The following ACYP2 variants were observed in gnomAD, a reference collection of about 807,000 sequenced individuals.
ACYP2 encodes the protein acylphosphatase-2.
ACYP2 carries 12 observed loss-of-function variants against 11.2 expected under a neutral mutation model. The ratio of observed to expected loss-of-function variants is 1.08; its 90% CI spans 0.69 to 1.74. The LOEUF (loss-of-function observed/expected upper bound fraction) is 1.74. ACYP2 is among the 40% of genes most tolerant of loss of function. The pLI, the probability that ACYP2 is intolerant of heterozygous loss-of-function variation, is 0.00. For missense variants in ACYP2, 134 were observed against 101.9 expected (o/e 1.31, Z -1.35); for synonymous variants, 43 against 32.2 (o/e 1.33, Z -1.13).
At chr2:54,181,882 GTAAAA>G (rs1207177131) in intron 6 of ACYP2, among the ~76,000 whole-genome samples, 1 of 151,682 alleles carries the variant, frequency 6.6e-6, no homozygotes, top group Non-Finnish European at 1.5e-5. Flanking sequence ...TTTTTTTGTT[GTAAAA>G]TAAAATAAAC....
chr2:54,114,486 C>T (rs549384455), intron 4 of ACYP2, among the ~76,000 whole-genome samples: 32 of 151,616 alleles, frequency 2.1e-4, no homozygotes, highest in African/African-American at 6.8e-4. Flanking sequence ...GAGTTTGAGA[C>T]TAGCCTGGAC....
At chr2:54,035,814 G>A (rs905384440) in intron 2 of ACYP2, among the ~76,000 whole-genome samples, 1 of 152,294 alleles carries the variant, frequency 6.6e-6, no homozygotes, top group East Asian at 1.9e-4. Context: ...TCATGGAGAA[G>A]TACCTTCTAA....
At chr2:53,988,903 T>C (rs1452359204) in intron 2 of ACYP2, among the ~76,000 whole-genome samples, 1 of 152,032 alleles carries the variant, frequency 6.6e-6, no homozygotes, top group Non-Finnish European at 1.5e-5. Context: ...CGCGCTACCA[T>C]GCCCACCTAT....
intron 6 of ACYP2, among the ~76,000 whole-genome samples, chr2:54,178,894 C>A (rs1046116230): frequency 2.0e-5 from 3 of 152,138 alleles, no homozygotes; most frequent in African/African-American, 4.8e-5. Flanking sequence ...TTGTCTTAGT[C>A]CATTCACGCT....
chr2:54,142,510 G>T (rs1307890986), intron 6 of ACYP2: 1 of 152,096 alleles, frequency 6.6e-6, no homozygotes, highest in Non-Finnish European at 1.5e-5. Context: ...ATCACTTGAG[G>T]TCAGGAGTTC....
At chr2:54,147,200 G>A (rs369614362) in intron 6 of ACYP2, among the ~76,000 whole-genome samples, 3 of 151,232 alleles carry the variant, frequency 2.0e-5, no homozygotes, top group African/African-American at 7.3e-5. Context: ...TTATATTGCC[G>A]GCTTTCCTTA....
intron 6 of ACYP2, among the ~76,000 whole-genome samples, chr2:54,257,309 A>G (rs1160219190): frequency 6.6e-6 from 1 of 152,244 alleles, no homozygotes; most frequent in Non-Finnish European, 1.5e-5. Context: ...GTGGGGTCAC[A>G]ATTTCTTTTT....
Position 54,254,974 on chromosome 2 carries a change from C to T in ACYP2, c.405-49714C>T, listed in dbSNP as rs200122266. 8 of 1,613,694 alleles carry T rather than the reference C, an allele frequency of 5.0e-6. No individual in the cohort carries two copies. The highest frequency in any genetic ancestry group is 2.2e-5 in the East Asian group (1 of 44,886). On this transcript the variant is annotated intron_variant, in intron 6 of 6. Transcript: ENST00000607452. The stretch of plus-strand genomic sequence containing the variant: ...GATCTCCACTGGCTCCCTTACCAGG[C>T]GACGTCTAGCTCTATGGGCGTCTTC...
intron 6 of ACYP2, among the ~76,000 whole-genome samples, chr2:54,155,143 C>G (rs1160547799): frequency 6.6e-6 from 1 of 151,930 alleles, no homozygotes; most frequent in African/African-American, 2.4e-5. Flanking sequence ...ACAGTGTCTC[C>G]TCTTTTATTT....
intron 6 of ACYP2, among the ~76,000 whole-genome samples, chr2:54,266,590 CTTTTTTTTTTTTTTTTTTTTTTT>C (rs138812389): frequency 1.9e-5 from 1 of 52,242 alleles, no homozygotes; most frequent in South Asian, 1.1e-3. Context: ...ATCTATCTAT[CTTTTTTTTTTTTTTTTTTTTTTT>C]TTTTTTTTTT....
chr2:54,079,857 A>G (rs1385023733), intron 4 of ACYP2: 2 of 152,192 alleles, frequency 1.3e-5, no homozygotes, highest in Non-Finnish European at 2.9e-5. Context: ...AAAGGTGTCA[A>G]ATATCCTAAA....
chr2:54,097,678 C>A (rs181119827), intron 4 of ACYP2, among the ~76,000 whole-genome samples: 46 of 151,688 alleles, frequency 3.0e-4, no homozygotes, highest in Non-Finnish European at 1.8e-4. Flanking sequence ...TTCTCTGTCC[C>A]TCTTTATTCT....
At chr2:54,180,699 C>T (rs2103867696) in intron 6 of ACYP2, among the ~76,000 whole-genome samples, 1 of 152,198 alleles carries the variant, frequency 6.6e-6, no homozygotes, top group South Asian at 2.1e-4. Context: ...GGACCACAGG[C>T]ACACACCACC....
chr2:54,219,905 A>ATATATATATTTTT (rs1288814375), intron 6 of ACYP2, among the ~76,000 whole-genome samples: 32 of 75,950 alleles, frequency 4.2e-4, no homozygotes, highest in Non-Finnish European at 6.3e-4. Flanking sequence ...ATATATATAT[A>ATATATATATTTTT]TTTTTTTTTT....
chr2:53,977,891 T>C (rs1334412179), intron 2 of ACYP2, among the ~76,000 whole-genome samples: 1 of 152,202 alleles, frequency 6.6e-6, no homozygotes, highest in Non-Finnish European at 1.5e-5. Context: ...TGAGCTCATT[T>C]ATGGTTATCT....
chr2:54,025,498 T>G (rs1260319076), intron 2 of ACYP2, among the ~76,000 whole-genome samples: 2 of 152,154 alleles, frequency 1.3e-5, no homozygotes, highest in Non-Finnish European at 2.9e-5. Flanking sequence ...ATTCAACAAA[T>G]GGTGCTGGGA....
chr2:54,051,410 A>C (rs1675860029), intron 3 of ACYP2: 2 of 723,608 alleles, frequency 2.8e-6, no homozygotes, highest in African/African-American at 1.8e-5. Flanking sequence ...GAGAAGGCCC[A>C]TTATGAAAGA....
At chr2:54,146,819 G>C (rs1049439523) in intron 6 of ACYP2, among the ~76,000 whole-genome samples, 5 of 149,262 alleles carry the variant, frequency 3.3e-5, no homozygotes, top group African/African-American at 5.0e-5. Flanking sequence ...TTTTGAGACA[G>C]AGTCTTGCTC....
chr2:54,199,512 A>G (rs1329239401), intron 6 of ACYP2, among the ~76,000 whole-genome samples: 1 of 152,208 alleles, frequency 6.6e-6, no homozygotes, highest in African/African-American at 2.4e-5. Context: ...GTGAGAGAAG[A>G]CAGGATAGAG....
Sources: allele counts gnomAD v4.1 joint callset (sites outside exome capture counted in the v4.1 genomes callset), GRCh38; gene constraint gnomAD v4.1.1; transcripts MANE v1.5; gene names NCBI Gene and HGNC (gene_info 2026-07-23, HGNC 2026-07-21).